WDR7: variants seen among roughly 807,000 people sequenced by gnomAD.
WDR7 encodes the protein WD repeat domain 7.
WDR7 carries 46 observed loss-of-function variants against 169.4 expected under a neutral mutation model. The observed-to-expected ratio is 0.27, with a 90% CI of 0.21 to 0.35. The LOEUF is 0.35. Among genes scored for constraint, WDR7 ranks in the 10% least tolerant of loss-of-function variants. The pLI, the probability that WDR7 is intolerant of heterozygous loss-of-function variation, is 1.00. For synonymous variants in WDR7, 612 were observed against 666.8 expected, an observed-to-expected ratio of 0.92 and a Z score of 1.27; for missense variants, 1,534 against 1,859.3, an observed-to-expected ratio of 0.83 and a Z score of 3.22.
At chr18:56,898,223 A>G (rs1354447750) in intron 21 of WDR7, among the ~76,000 whole-genome samples, 1 of 152,082 alleles carries the variant, frequency 6.6e-6, no homozygotes, top group African/African-American at 2.4e-5. Context: ...ATTATAATCT[A>G]TAGAATAAAA....
chr18:56,668,686 A>G (rs2025070936), intron 1 of WDR7, among the ~76,000 whole-genome samples: 1 of 152,210 alleles, frequency 6.6e-6, no homozygotes, highest in Non-Finnish European at 1.5e-5. Context: ...TATTATTTCT[A>G]ATAAAGTAAT....
chr18:56,785,932 C>T (rs899143778), intron 19 of WDR7, among the ~76,000 whole-genome samples: 1 of 151,172 alleles, frequency 6.6e-6, no homozygotes, highest in Non-Finnish European at 1.5e-5. Context: ...TCCTGAGTAG[C>T]TGGAACTAAA....
At chr18:56,998,403 G>C (rs967436997) in intron 26 of WDR7, among the ~76,000 whole-genome samples, 9 of 152,110 alleles carry the variant, frequency 5.9e-5, no homozygotes, top group African/African-American at 2.2e-4. Flanking sequence ...GATAACATTG[G>C]GCCAAAGTAG....
chr18:56,903,880 G>A (rs962108559), intron 21 of WDR7, among the ~76,000 whole-genome samples: 3 of 152,100 alleles, frequency 2.0e-5, no homozygotes, highest in Non-Finnish European at 4.4e-5. Context: ...TTGTGACCTC[G>A]TTTGATTCCA....
chr18:56,795,200 C>A lies in WDR7; in HGVS notation c.3190+13544C>A, dbSNP rs546558486. Among the ~76,000 whole-genome samples the A allele has an allele frequency of 1.1e-4, 16 of 152,190 alleles. 1 individual carries two copies. The highest frequency in any genetic ancestry group is 1.8e-4 in the Non-Finnish European group (12 of 68,002). ...TTTTCCTATCTTTGATCAGTGGAAGCCTCTTTAGTTGACTCCTGAATCCTT... is the reference window on the plus strand; with the variant it reads ...TTTTCCTATCTTTGATCAGTGGAAGACTCTTTAGTTGACTCCTGAATCCTT... On this transcript the variant is annotated intron_variant, in intron 19 of 27. Coordinates refer to ENST00000254442, the MANE Select transcript of WDR7 (RefSeq NM_015285.3).
chr18:56,801,076 T>C (rs1314968280), intron 19 of WDR7, among the ~76,000 whole-genome samples: 2 of 152,244 alleles, frequency 1.3e-5, no homozygotes, highest in Non-Finnish European at 2.9e-5. Flanking sequence ...CATACTGATA[T>C]TTCTCATTTT....
intron 20 of WDR7, among the ~76,000 whole-genome samples, chr18:56,869,895 T>C (rs2045930225): frequency 6.6e-6 from 1 of 152,194 alleles, no homozygotes. Flanking sequence ...AATATTCATA[T>C]AAACACATTT....
intron 21 of WDR7, among the ~76,000 whole-genome samples, chr18:56,909,589 G>T (rs997249846): frequency 6.6e-6 from 1 of 151,756 alleles, no homozygotes; most frequent in Non-Finnish European, 1.5e-5. Flanking sequence ...GAAGTATTTG[G>T]ACATTTTTAT....
chr18:56,827,074 C>T (rs540260879), intron 20 of WDR7, among the ~76,000 whole-genome samples: 2 of 152,182 alleles, frequency 1.3e-5, no homozygotes, highest in African/African-American at 4.8e-5. Context: ...GCGCTTATTG[C>T]GGAGGTGGAG....
chr18:56,693,695 C>G (rs2025631473), intron 9 of WDR7, among the ~76,000 whole-genome samples: 1 of 150,858 alleles, frequency 6.6e-6, no homozygotes, highest in Non-Finnish European at 1.5e-5. Context: ...CCTCAGCCTC[C>G]CGAGTAGCTG....
Position 56,757,345 on chromosome 18 carries a change from C to G in WDR7, c.2752C>G (p.Pro918Ala), listed in dbSNP as rs1484411266. Residue 918 changes from proline to alanine, a missense_variant, in exon 15 of 28, where the codon CCT becomes GCT. Physicochemically the swap from Pro to Ala is conservative, Grantham distance 27. Coordinates refer to ENST00000254442, the MANE Select transcript of WDR7 (RefSeq NM_015285.3). ...TFIGDHMKKG[P>A]TRPPRPSTPD... The stretch of plus-strand genomic sequence containing the variant: ...TATTGGTGATCATATGAAGAAGGGT[C>G]CTACCAGGTGTGACCATGATAGTTT... 1 of 1,603,746 alleles carries G rather than the reference C, an allele frequency of 6.2e-7. No homozygotes were observed. Among genetic ancestry groups the G allele is most frequent in the Admixed American group, 1.7e-5 (1 of 59,758 alleles).
intron 26 of WDR7, among the ~76,000 whole-genome samples, chr18:57,013,991 A>G (rs780420350): frequency 5.9e-5 from 9 of 152,154 alleles, no homozygotes; most frequent in Non-Finnish European, 1.0e-4. Flanking sequence ...GAGAAACTGT[A>G]ATGACATCTG....
intron 13 of WDR7, among the ~76,000 whole-genome samples, chr18:56,724,418 G>T (rs2026395617): frequency 6.6e-6 from 1 of 151,532 alleles, no homozygotes. Context: ...CATCATGTTT[G>T]CCAGGTTGGT....
intron 20 of WDR7, among the ~76,000 whole-genome samples, chr18:56,841,241 A>C (rs2045481382): frequency 1.3e-5 from 2 of 151,644 alleles, no homozygotes; most frequent in Admixed American, 6.6e-5. Flanking sequence ...CGTAATTTAC[A>C]ATTAGAAATA....
At chr18:56,782,903 G>A (rs529597084) in intron 19 of WDR7, among the ~76,000 whole-genome samples, 12 of 152,104 alleles carry the variant, frequency 7.9e-5, no homozygotes, top group African/African-American at 2.4e-4. Context: ...GACTTTATAG[G>A]GTTATTATGT....
At chr18:57,014,694 C>T (rs2048183354) in intron 26 of WDR7, among the ~76,000 whole-genome samples, 1 of 151,942 alleles carries the variant, frequency 6.6e-6, no homozygotes, top group Non-Finnish European at 1.5e-5. Flanking sequence ...AATTCCACAT[C>T]ATGAGATGTA....
At chr18:56,901,581 G>A (rs1157967567) in intron 21 of WDR7, among the ~76,000 whole-genome samples, 1 of 152,180 alleles carries the variant, frequency 6.6e-6, no homozygotes, top group Admixed American at 6.5e-5. Context: ...AAGGATGTTA[G>A]TGATAAGGAA....
At chr18:56,990,866 C>T (rs555111822) in intron 26 of WDR7, among the ~76,000 whole-genome samples, 2 of 152,302 alleles carry the variant, frequency 1.3e-5, no homozygotes, top group African/African-American at 4.8e-5. Flanking sequence ...GCTTTTCTCT[C>T]TCACCCCAGG....
intron 1 of WDR7, 142 bp from the exon 2 acceptor site, chr18:56,672,355 G>T (rs561801045): frequency 0.13 from 37,133 of 275,648 alleles, 2 homozygotes; most frequent in East Asian, 0.21. Flanking sequence ...GTTTTTTTTT[G>T]AAAATAATAA....
Sources: gnomAD v4.1 joint callset for allele counts (sites outside exome capture counted in the v4.1 genomes callset) on GRCh38, gnomAD v4.1.1 for gene constraint, MANE v1.5 for transcripts, NCBI Gene and HGNC (gene_info 2026-07-23, HGNC 2026-07-21) for gene names.